ATP13A5: variants seen among roughly 807,000 people sequenced by gnomAD.
ATP13A5 encodes the protein ATPase 13A5, also known as probable cation-transporting ATPase 13A5.
Under a neutral mutation model 150.2 loss-of-function variants are expected in ATP13A5, and 149 were observed. The observed-to-expected ratio is 0.99, with a 90% CI of 0.87 to 1.14. ATP13A5 has a LOEUF of 1.14. Among genes scored for constraint, ATP13A5 ranks in the 50% most tolerant of loss-of-function variants. The pLI is 0.00. For synonymous variants in ATP13A5, 497 were observed against 522.2 expected, an observed-to-expected ratio of 0.95 and a Z score of 0.66; for missense variants, 1,383 against 1,449.3, an observed-to-expected ratio of 0.95 and a Z score of 0.74.
Position 193,321,730 on chromosome 3 carries a change from G to T in ATP13A5, c.1866C>A (p.Tyr622Ter). The T allele has an allele frequency of 6.2e-7, 1 of 1,614,212 alleles. No individual in the cohort carries two copies. The highest frequency in any genetic ancestry group is 8.5e-7 in the Non-Finnish European group (1 of 1,180,032). ...QLAGENHFHV[Y>*]MKGAPEMVAR... ...CCACCATTTCTGGGGCACCTTTCATGTAGACATGGAAATGATTCTCCCCAG... is the reference window on the plus strand; with the variant it reads ...CCACCATTTCTGGGGCACCTTTCATTTAGACATGGAAATGATTCTCCCCAG... Residue 622 changes from tyrosine (Y) to a stop codon, truncating the protein, a stop_gained, in exon 16 of 30, where the codon TAC (tyrosine) becomes TAA (stop). Transcript: ENST00000342358. LOFTEE classifies it high-confidence loss of function.
rs191417725 is a variant in ATP13A5, at chr3:193,275,778, C to A, written c.3397-476G>T. 1.6e-4 allele frequency among the ~76,000 whole-genome samples: 25 copies of A among 152,236 alleles called. No individual in the cohort carries two copies. The East Asian group carries it at 4.4e-3, about 27-fold the overall frequency. On this transcript the variant is annotated intron_variant, in intron 29 of 29. Coordinates refer to ENST00000342358, the MANE Select transcript of ATP13A5 (RefSeq NM_198505.4). ...GTTCACATGCCCACACAGTTTTTAT[C>A]CATTTATAGTAATGAAATTGGTCAA... is the stretch of plus-strand genomic sequence containing the variant.
chr3:193,368,990 TCCCA>T (rs1420546642), intron 1 of ATP13A5, among the ~76,000 whole-genome samples: 2 of 152,244 alleles, frequency 1.3e-5, no homozygotes, highest in Non-Finnish European at 2.9e-5. Flanking sequence ...ACACCTGTAA[TCCCA>T]GTGCTTTGGG....
chr3:193,304,807 A>T (rs1487676213), intron 23 of ATP13A5, among the ~76,000 whole-genome samples: 1 of 152,188 alleles, frequency 6.6e-6, no homozygotes, highest in African/African-American at 2.4e-5. Flanking sequence ...TTGTAAACAA[A>T]AGAGGTTTAA....
intron 9 of ATP13A5, among the ~76,000 whole-genome samples, chr3:193,335,672 C>T (rs1318655676): frequency 6.6e-6 from 1 of 152,116 alleles, no homozygotes; most frequent in African/African-American, 2.4e-5. Context: ...CCATCCAAGT[C>T]CCATTTTTAT....
intron 18 of ATP13A5, 63 bp downstream of exon 18, chr3:193,314,909 C>A: frequency 6.3e-7 from 1 of 1,582,628 alleles, no homozygotes; most frequent in Non-Finnish European, 8.6e-7. Context: ...ACTCAGCTCA[C>A]ACATCTTGTT....
chr3:193,315,589 GT>G (rs1280800710), intron 17 of ATP13A5, among the ~76,000 whole-genome samples: 1 of 152,144 alleles, frequency 6.6e-6, no homozygotes, highest in Non-Finnish European at 1.5e-5. Flanking sequence ...GCTCTGAACA[GT>G]TTTCGGAATT....
At chr3:193,370,343 T>C (rs1028885980) in intron 1 of ATP13A5, among the ~76,000 whole-genome samples, 2 of 152,226 alleles carry the variant, frequency 1.3e-5, no homozygotes, top group Non-Finnish European at 2.9e-5. Context: ...CCTGTTGCCT[T>C]CTAGAAGCTC....
At chr3:193,308,101 T>C (rs1250685219) in intron 21 of ATP13A5, among the ~76,000 whole-genome samples, 1 of 152,198 alleles carries the variant, frequency 6.6e-6, no homozygotes, top group Non-Finnish European at 1.5e-5. Context: ...AAATAAAGTT[T>C]TGTTAGCGTT....
intron 9 of ATP13A5, among the ~76,000 whole-genome samples, chr3:193,336,196 A>G (rs1433990338): frequency 6.6e-6 from 1 of 151,894 alleles, no homozygotes; most frequent in Non-Finnish European, 1.5e-5. Context: ...TATACTCTTC[A>G]TTTTCCTAGT....
At position 193,354,187 on chromosome 3, in the gene ATP13A5, C is replaced by T. The variant is rs2108893417; in HGVS notation, c.546G>A (p.Val182=). 6.2e-7 allele frequency: 1 copy of T among 1,611,454 alleles called. No individual in the cohort carries two copies. The highest frequency in any genetic ancestry group is 2.2e-5 in the East Asian group (1 of 44,824). The change falls in exon 6 of 30, where the codon GTG becomes GTA. Residue 182 remains valine (V), a synonymous_variant. Transcript: ENST00000342358. ...TSEEQEVRRL[V]CGPNAIEVEI... The stretch of plus-strand genomic sequence containing the variant: ...CAACCTCAATGGCGTTGGGCCCACA[C>T]ACTAATCTTCTGCGGGAAATTGATC...
intron 28 of ATP13A5, among the ~76,000 whole-genome samples, chr3:193,277,241 AAGG>A (rs1717261275): frequency 6.6e-6 from 1 of 152,226 alleles, no homozygotes; most frequent in Admixed American, 6.5e-5. Context: ...TTCATTCTTT[AAGG>A]AGGACAGAGA....
chr3:193,305,580 T>C lies in ATP13A5; in HGVS notation c.2657A>G (p.Gln886Arg). The C allele has an allele frequency of 1.9e-6, 3 of 1,613,824 alleles. No individual in the cohort carries two copies. Among genetic ancestry groups the C allele is most frequent in the Non-Finnish European group, 2.5e-6 (3 of 1,179,778 alleles). ...TTACCTGATGAGATGAGGCACACAC[T>C]GGATGTTGGTTGTTTTAGAGGTAAA... ...SPFTSKTTNI[Q>R]CVPHLIREGR... The change falls in exon 23 of 30, where the codon CAG becomes CGG. Residue 886 changes from glutamine (Q) to arginine (R), a missense_variant. Around this residue, in one of 3 missense-constraint regions of ATP13A5, gnomAD observed 568 missense variants for 621.5 expected, o/e 0.91. Coordinates refer to ENST00000342358, the MANE Select transcript of ATP13A5 (RefSeq NM_198505.4).
At chr3:193,357,092 G>C (rs1712822694) in intron 5 of ATP13A5, among the ~76,000 whole-genome samples, 1 of 152,164 alleles carries the variant, frequency 6.6e-6, no homozygotes, top group African/African-American at 2.4e-5. Flanking sequence ...GGGATTACAG[G>C]CATGAGCCAC....
chr3:193,325,944 T>G (rs1353493197), intron 13 of ATP13A5, among the ~76,000 whole-genome samples: 1 of 152,182 alleles, frequency 6.6e-6, no homozygotes, highest in Non-Finnish European at 1.5e-5. Flanking sequence ...AATAGATTCC[T>G]TGCCTGTCTG....
At chr3:193,311,238 C>T (rs542968814) in intron 20 of ATP13A5, among the ~76,000 whole-genome samples, 1 of 152,292 alleles carries the variant, frequency 6.6e-6, no homozygotes, top group East Asian at 1.9e-4. Context: ...TGGACTTTGA[C>T]TGCTAGGGTG....
intron 23 of ATP13A5, among the ~76,000 whole-genome samples, chr3:193,303,900 TACACACAC>T (rs199888384): frequency 6.9e-6 from 1 of 145,680 alleles, no homozygotes; most frequent in Middle Eastern, 3.5e-3. Flanking sequence ...TACATACACA[TACACACAC>T]ACACACACAC....
chr3:193,313,952 G>T, intron 19 of ATP13A5, 81 bp downstream of exon 19: 1 of 1,458,188 alleles, frequency 6.9e-7, no homozygotes, highest in South Asian at 1.3e-5. Flanking sequence ...ATGACTCCTG[G>T]AGTTGAGAGA....
In ATP13A5 at chr3:193,317,072, T is replaced by C. The variant is rs192459960; in HGVS notation, c.2033+1919A>G. Among the ~76,000 whole-genome samples the C allele has an allele frequency of 8.5e-5, 13 of 152,328 alleles. No homozygotes were observed. The East Asian group carries it at 2.3e-3, about 27-fold the overall frequency. ...TGATGCTTCTTCTCGTTCACTACTT[T>C]AGGCACTTGGCTGCTTGTTACCCTA... On this transcript the variant is annotated intron_variant, in intron 17 of 29. Coordinates refer to ENST00000342358, the MANE Select transcript of ATP13A5 (RefSeq NM_198505.4).
intron 21 of ATP13A5, among the ~76,000 whole-genome samples, chr3:193,310,204 C>CT (rs1182439731): frequency 1.3e-5 from 2 of 152,140 alleles, no homozygotes; most frequent in African/African-American, 2.4e-5. Context: ...TAATCTCATT[C>CT]TTTTTTATGA....
Sources: gnomAD v4.1 joint callset for allele counts (sites outside exome capture counted in the v4.1 genomes callset) on GRCh38, gnomAD v4.1.1 for gene constraint, gnomAD v4.1.1 regional missense constraint, MANE v1.5 for transcripts, NCBI Gene and HGNC (gene_info 2026-07-23, HGNC 2026-07-21) for gene names.